Variants in PTPRT observed in about 807,000 individuals in gnomAD.
The protein encoded by PTPRT is receptor-type tyrosine-protein phosphatase T.
PTPRT carries 56 observed loss-of-function variants against 176.8 expected under a neutral mutation model. The observed-to-expected ratio is 0.32, with a 90% CI of 0.26 to 0.40. PTPRT has a LOEUF of 0.40. PTPRT is among the 10% of genes least tolerant of loss of function. The pLI, the probability that PTPRT is intolerant of heterozygous loss-of-function variation, is 1.00. For synonymous variants in PTPRT, 783 were observed against 739.0 expected, an observed-to-expected ratio of 1.06 and a Z score of -0.96; for missense variants, 1,540 against 1,908.2, an observed-to-expected ratio of 0.81 and a Z score of 3.60.
At chr20:42,310,451 C>A (rs978368196) in intron 12 of PTPRT, among the ~76,000 whole-genome samples, 5 of 152,138 alleles carry the variant, frequency 3.3e-5, no homozygotes, top group Non-Finnish European at 5.9e-5. Context: ...TTTGTTCAAA[C>A]CAATACAAGT....
At chr20:42,891,518 A>T (rs543256057) in intron 1 of PTPRT, among the ~76,000 whole-genome samples, 28 of 152,348 alleles carry the variant, frequency 1.8e-4, no homozygotes, top group African/African-American at 6.0e-4. Context: ...ATAGCATATC[A>T]GCATCTGTAA....
intron 1 of PTPRT, among the ~76,000 whole-genome samples, chr20:43,022,048 T>C (rs1377820020): frequency 6.6e-6 from 1 of 152,180 alleles, no homozygotes; most frequent in Admixed American, 6.5e-5. Context: ...CAGCTTTCTC[T>C]TCCACCTCAC....
intron 7 of PTPRT, among the ~76,000 whole-genome samples, chr20:42,566,019 G>C (rs942282808): frequency 2.0e-5 from 3 of 152,110 alleles, no homozygotes. Flanking sequence ...CTCAGCTAGA[G>C]AGTATATTTC....
At chr20:42,721,173 T>C (rs75385378) in intron 6 of PTPRT, among the ~76,000 whole-genome samples, 4,298 of 152,280 alleles carry the variant, frequency 0.028, 86 homozygotes, top group Non-Finnish European at 0.042. Flanking sequence ...TACTTGGGCC[T>C]GAAAGAAGGC....
At chr20:43,014,791 A>C (rs1235363160) in intron 1 of PTPRT, among the ~76,000 whole-genome samples, 1 of 152,224 alleles carries the variant, frequency 6.6e-6, no homozygotes, top group East Asian at 1.9e-4. Context: ...AGGGTAAAAG[A>C]GGATTCATTT....
chr20:42,415,947 G>A (rs977403875), intron 9 of PTPRT, among the ~76,000 whole-genome samples: 1 of 152,162 alleles, frequency 6.6e-6, no homozygotes, highest in Non-Finnish European at 1.5e-5. Flanking sequence ...CATGTATATA[G>A]CACAAACTTG....
chr20:42,706,173 CTCTGTTTGTG>C (rs2076053338), intron 6 of PTPRT, among the ~76,000 whole-genome samples: 1 of 132,904 alleles, frequency 7.5e-6, no homozygotes, highest in Non-Finnish European at 1.5e-5. Context: ...CTCTCTCTCT[CTCTGTTTGTG>C]TGTGTGTGTG....
chr20:42,306,102 A>T (rs780480666), intron 12 of PTPRT, among the ~76,000 whole-genome samples: 1 of 152,194 alleles, frequency 6.6e-6, no homozygotes, highest in African/African-American at 2.4e-5. Context: ...GTATATTTGC[A>T]TGGGAAGGAA....
chr20:43,182,477 A>G (rs764969359), intron 1 of PTPRT, among the ~76,000 whole-genome samples: 2 of 151,082 alleles, frequency 1.3e-5, no homozygotes, highest in South Asian at 2.1e-4. Flanking sequence ...TGCAACCTCC[A>G]CCACCTGGGT....
chr20:42,288,339 T>A (rs952723644), intron 12 of PTPRT, among the ~76,000 whole-genome samples: 1 of 87,692 alleles, frequency 1.1e-5, no homozygotes, highest in Non-Finnish European at 2.3e-5. Flanking sequence ...TTCTGCAGAG[T>A]TTTTTTGTTT....
intron 2 of PTPRT, among the ~76,000 whole-genome samples, chr20:42,870,266 T>A (rs1234843525): frequency 2.6e-5 from 4 of 152,238 alleles, no homozygotes; most frequent in African/African-American, 4.8e-5. Flanking sequence ...GTACATGTTA[T>A]TGATGACTGA....
intron 7 of PTPRT, among the ~76,000 whole-genome samples, chr20:42,607,800 G>C (rs544990165): frequency 1.1e-4 from 16 of 152,208 alleles, no homozygotes; most frequent in African/African-American, 2.9e-4. Context: ...GGACCTGTGG[G>C]CGCTTGCTTT....
intron 13 of PTPRT, among the ~76,000 whole-genome samples, chr20:42,252,113 G>A (rs972913930): frequency 6.6e-6 from 1 of 152,198 alleles, no homozygotes; most frequent in African/African-American, 2.4e-5. Flanking sequence ...TGATGGATTG[G>A]ATATGGGGAA....
chr20:42,470,661 G>A (rs1454497628), intron 8 of PTPRT, among the ~76,000 whole-genome samples: 3 of 152,068 alleles, frequency 2.0e-5, no homozygotes, highest in Non-Finnish European at 4.4e-5. Flanking sequence ...CGGTGAGCCT[G>A]GGAAGAAACA....
intron 19 of PTPRT, among the ~76,000 whole-genome samples, chr20:42,123,296 A>G (rs1434306976): frequency 6.6e-6 from 1 of 152,224 alleles, no homozygotes; most frequent in Non-Finnish European, 1.5e-5. Context: ...TGGATTCTCT[A>G]TTTTGTGAAT....
At chr20:42,867,943 A>G (rs370097907) in intron 2 of PTPRT, among the ~76,000 whole-genome samples, 1 of 152,210 alleles carries the variant, frequency 6.6e-6, no homozygotes, top group South Asian at 2.1e-4. Context: ...TGGCCTCCCA[A>G]AGTGCTGAGA....
chr20:42,815,326 G>A (rs1022072078), intron 2 of PTPRT, among the ~76,000 whole-genome samples: 1 of 152,168 alleles, frequency 6.6e-6, no homozygotes, highest in Non-Finnish European at 1.5e-5. Context: ...AGAGGGCTGA[G>A]CTGAAGGAGC....
chr20:42,681,934 A>G (rs186012844), intron 6 of PTPRT, among the ~76,000 whole-genome samples: 2 of 152,370 alleles, frequency 1.3e-5, no homozygotes, highest in Admixed American at 1.3e-4. Flanking sequence ...GAAAAATAAA[A>G]GAATGCATGA....
At chr20:42,892,393 CT>C (rs1206571232) in intron 1 of PTPRT, among the ~76,000 whole-genome samples, 1 of 151,874 alleles carries the variant, frequency 6.6e-6, no homozygotes, top group Non-Finnish European at 1.5e-5. Flanking sequence ...ACCCAGCATT[CT>C]TTTGAACACT....
Sources: gnomAD v4.1 joint callset for allele counts (sites outside exome capture counted in the v4.1 genomes callset) on GRCh38, gnomAD v4.1.1 for gene constraint, MANE v1.5 for transcripts, NCBI Gene and HGNC (gene_info 2026-07-23, HGNC 2026-07-21) for gene names.